Variants in NUP155 observed in about 807,000 individuals in gnomAD.
NUP155 encodes nuclear pore complex protein Nup155.
A neutral mutation model predicts 180.4 loss-of-function variants in NUP155; 71 were observed. The ratio of observed to expected loss-of-function variants is 0.39; its 90% CI spans 0.33 to 0.48. The LOEUF (loss-of-function observed/expected upper bound fraction) is 0.48, where lower values mean the gene tolerates loss of function less well. Among genes scored for constraint, NUP155 ranks in the 20% least tolerant of loss-of-function variants. The pLI, the probability that NUP155 is intolerant of heterozygous loss-of-function variation, is 0.91. For missense variants in NUP155, 1,553 were observed against 1,648.9 expected (o/e 0.94, Z 1.01); for synonymous variants, 582 against 559.5 (o/e 1.04, Z -0.57).
chr5:37,364,697 C>T (rs765972781), intron 1 of NUP155, among the ~76,000 whole-genome samples: 3 of 151,028 alleles, frequency 2.0e-5, no homozygotes, highest in Admixed American at 2.0e-4. Context: ...AGTGCAGTGG[C>T]ACAATCTCGG....
At chr5:37,325,337 C>G (rs1221335704) in intron 19 of NUP155, among the ~76,000 whole-genome samples, 1 of 152,110 alleles carries the variant, frequency 6.6e-6, no homozygotes, top group African/African-American at 2.4e-5. Context: ...ATATACTACG[C>G]CCCTTCTTTT....
Position 37,299,432 on chromosome 5 carries a change from A to C in NUP155, c.3682+16T>G. On this transcript the variant is annotated intron_variant, in intron 31 of 34. Transcript: ENST00000231498. ...CTACATAACGTATGCTAACATACCT[A>C]TAACTGAACACTTACCTTTCTCTAT... 6.2e-7 allele frequency: 1 copy of C among 1,613,994 alleles called. No homozygotes were observed. The highest frequency in any genetic ancestry group is 2.2e-5 in the East Asian group (1 of 44,848).
chr5:37,292,004 A>G lies in NUP155; in HGVS notation c.4072T>C (p.Cys1358Arg). 6.2e-7 allele frequency: 1 copy of G among 1,614,156 alleles called. No individual in the cohort carries two copies. Among genetic ancestry groups the G allele is most frequent in the Non-Finnish European group, 8.5e-7 (1 of 1,179,984 alleles). ...GACTGGAGCTCAACAAGGTAACCACAAACAGCATCCAGGCAGAGATTTGTA... is the reference window on the plus strand; with the variant it reads ...GACTGGAGCTCAACAAGGTAACCACGAACAGCATCCAGGCAGAGATTTGTA... ...RFTNLCLDAV[C>R]GYLVELQSMS... is the part of the protein sequence containing the mutation. The change falls in exon 35 of 35, where the codon TGT becomes CGT. Residue 1358 changes from cysteine (C) to arginine (R), a missense_variant. Transcript: ENST00000231498.
Position 37,365,747 on chromosome 5 carries a change from A to ATG in NUP155, c.158-1364_158-1363insCA, listed in dbSNP as rs1181603414. ...AAAAAAAAAAAAAAAAAATATATATATATATACACACACACACACACACAC... is the reference window on the plus strand; with the variant it reads ...AAAAAAAAAAAAAAAAAATATATATATGTATATACACACACACACACACACAC... On this transcript the variant is annotated intron_variant, in intron 1 of 34. Coordinates refer to ENST00000231498, the MANE Select transcript of NUP155 (RefSeq NM_153485.3). 1.2e-3 allele frequency among the ~76,000 whole-genome samples: 82 copies of ATG among 69,232 alleles called. 2 individuals are homozygous for ATG. The highest frequency in any genetic ancestry group is 2.1e-3 in the Non-Finnish European group (63 of 30,372). 45.4% of individuals were successfully genotyped at this position (69,232 alleles called of 152,430 possible). A position where few individuals can be genotyped will look rare whatever the true frequency, so the allele number is the denominator to read the frequency against.
In NUP155 at chr5:37,316,522, T is replaced by C. The variant is rs558236783; in HGVS notation, c.2305+1466A>G. Among the ~76,000 whole-genome samples, 11 of 152,252 alleles carry C rather than the reference T, an allele frequency of 7.2e-5. 1 individual carries two copies. The South Asian group carries it at 1.9e-3, about 26-fold the overall frequency. ...TCTTGTTGCCCAGGCTAGGGTGCAA[T>C]GGCACAAATTCGGCTCACTGCAACC... On this transcript the variant is annotated intron_variant, in intron 21 of 34. Coordinates refer to ENST00000231498, the MANE Select transcript of NUP155 (RefSeq NM_153485.3).
chr5:37,329,658 T>A (rs1393156437), intron 15 of NUP155, among the ~76,000 whole-genome samples: 1 of 152,190 alleles, frequency 6.6e-6, no homozygotes, highest in African/African-American at 2.4e-5. Flanking sequence ...AATAGAAATA[T>A]CTCTTTGGTA....
At chr5:37,358,186 T>C (rs961600477) in intron 3 of NUP155, 35 bp from the exon 4 acceptor site, 3 of 1,462,168 alleles carry the variant, frequency 2.1e-6, no homozygotes, top group African/African-American at 1.4e-5. Flanking sequence ...GTTACACATA[T>C]AAAGCAAATA....
chr5:37,306,072 TAA>T (rs1254223350), intron 25 of NUP155, among the ~76,000 whole-genome samples: 1 of 152,054 alleles, frequency 6.6e-6, no homozygotes, highest in Admixed American at 6.6e-5. Context: ...ATTAAAAGGG[TAA>T]AGTCATTAAA....
Position 37,360,937 on chromosome 5 carries a change from G to A in NUP155, c.393-2786C>T, listed in dbSNP as rs540953076. Among the ~76,000 whole-genome samples the A allele has an allele frequency of 3.9e-5, 6 of 152,094 alleles. No homozygotes were observed. The South Asian group carries it at 1.0e-3, about 26-fold the overall frequency. The stretch of plus-strand genomic sequence containing the variant: ...TGAGGTATATAACAAAAGTATAGCT[G>A]AAATTTCTGAAGAAAGAGAATGTAT... On this transcript the variant is annotated intron_variant, in intron 3 of 34. Transcript: ENST00000231498.
intron 30 of NUP155, among the ~76,000 whole-genome samples, chr5:37,300,621 A>G (rs544305298): frequency 6.6e-6 from 1 of 152,260 alleles, no homozygotes; most frequent in African/African-American, 2.4e-5. Context: ...TTCCAAGGCA[A>G]GAAGCGAGGC....
At chr5:37,362,754 A>C (rs1747302821) in intron 3 of NUP155, among the ~76,000 whole-genome samples, 1 of 152,238 alleles carries the variant, frequency 6.6e-6, no homozygotes, top group South Asian at 2.1e-4. Context: ...CATTCAGGGT[A>C]CATGAAAAAT....
chr5:37,370,708 A>G, intron 1 of NUP155, 113 bp downstream of exon 1: 1 of 1,611,006 alleles, frequency 6.2e-7, no homozygotes, highest in Non-Finnish European at 8.5e-7. Context: ...TGCAGCCAAC[A>G]GTGCCATAAA....
intron 3 of NUP155, among the ~76,000 whole-genome samples, chr5:37,360,044 G>C (rs906126898): frequency 8.5e-5 from 13 of 152,082 alleles, no homozygotes; most frequent in African/African-American, 2.9e-4. Flanking sequence ...CTTGAACCTG[G>C]GAGGTGGAGG....
intron 7 of NUP155, among the ~76,000 whole-genome samples, chr5:37,349,649 T>C (rs950374714): frequency 2.0e-5 from 3 of 152,210 alleles, no homozygotes; most frequent in Non-Finnish European, 2.9e-5. Context: ...TGGTCCTTTA[T>C]GTTAAGAAAC....
intron 1 of NUP155, among the ~76,000 whole-genome samples, chr5:37,367,341 A>G (rs1200441814): frequency 6.6e-6 from 1 of 151,264 alleles, no homozygotes; most frequent in Non-Finnish European, 1.5e-5. Flanking sequence ...CAGCCTCCCG[A>G]GATGCCAGGA....
intron 3 of NUP155, among the ~76,000 whole-genome samples, chr5:37,360,092 T>A (rs1384316685): frequency 6.6e-6 from 1 of 151,668 alleles, no homozygotes; most frequent in Non-Finnish European, 1.5e-5. Flanking sequence ...CACTCAAGCC[T>A]GGGCAACAGA....
chr5:37,368,719 C>G (rs1747767186), intron 1 of NUP155, among the ~76,000 whole-genome samples: 1 of 152,056 alleles, frequency 6.6e-6, no homozygotes, highest in South Asian at 2.1e-4. Flanking sequence ...GAGGCTGAGG[C>G]AGGAGCATCG....
intron 5 of NUP155, 131 bp downstream of exon 5, chr5:37,352,606 G>A: frequency 1.5e-6 from 1 of 684,160 alleles, no homozygotes; most frequent in Non-Finnish European, 2.7e-6. Flanking sequence ...AAGAGCCTGA[G>A]GATTTGGCAG....
rs1216371996 is a variant in NUP155 at position 37,364,288 on chromosome 5, C to T, written c.254G>A (p.Arg85Gln). The T allele has an allele frequency of 1.9e-6, 3 of 1,612,826 alleles. No homozygotes were observed. The highest frequency in any genetic ancestry group is 1.3e-5 in the African/African-American group (1 of 75,008). ...AAGTTCAGGTGGGAGAGGAACTCTT[C>T]GGATGGAACTGATCTCTGGAAGGTT... ...VPNLPEISSI[R>Q]RVPLPPELVE... The change falls in exon 2 of 35, where the codon CGA becomes CAA. Residue 85 changes from arginine to glutamine, a missense_variant. Transcript: ENST00000231498.
Sources: allele counts gnomAD v4.1 joint callset (sites outside exome capture counted in the v4.1 genomes callset), GRCh38; gene constraint gnomAD v4.1.1; transcripts MANE v1.5; gene names NCBI Gene and HGNC (gene_info 2026-07-23, HGNC 2026-07-21).